The following CCSER1 variants were observed in gnomAD, a reference collection of about 807,000 sequenced individuals.
The protein encoded by CCSER1 is coiled-coil serine rich protein 1.
A neutral mutation model predicts 82.0 loss-of-function variants in CCSER1; 41 were observed. The observed-to-expected ratio is 0.50, with a 90% CI of 0.39 to 0.65. The LOEUF is 0.65. Among genes scored for constraint, CCSER1 ranks in the 30% least tolerant of loss-of-function variants. CCSER1 has a pLI of 0.00. For synonymous variants in CCSER1, 414 were observed against 383.9 expected (o/e 1.08, Z -0.92); for missense variants, 1,119 against 1,064.2 (o/e 1.05, Z -0.72).
intron 1 of CCSER1, among the ~76,000 whole-genome samples, chr4:90,242,351 C>G (rs988956592): frequency 1.1e-4 from 17 of 151,946 alleles, no homozygotes; most frequent in Non-Finnish European, 2.5e-4. Context: ...TGTAGTGGAC[C>G]TAGGAGTACT....
chr4:91,216,762 CATGTTAATTT>C (rs1737277502), intron 10 of CCSER1, among the ~76,000 whole-genome samples: 1 of 152,084 alleles, frequency 6.6e-6, no homozygotes, highest in Non-Finnish European at 1.5e-5. Context: ...TAAATCTTTA[CATGTTAATTT>C]ATGTTAATTT....
Position 90,347,062 on chromosome 4 carries a change from G to T in CCSER1, c.1509+34015G>T, listed in dbSNP as rs1742474947. On this transcript the variant is annotated intron_variant, in intron 3 of 10. Coordinates refer to ENST00000509176, the MANE Select transcript of CCSER1 (RefSeq NM_001145065.2). ...GAAGGCTCTTTGTTTGAAGGTTAAA[G>T]AAATAAGGTTATTTTGTTTGTATGT... 2.0e-5 allele frequency among the ~76,000 whole-genome samples: 3 copies of T among 152,142 alleles called. No homozygotes were observed. The East Asian group carries it at 5.8e-4, about 29-fold the overall frequency.
chr4:91,501,239 T>C (rs1310248858), intron 10 of CCSER1, among the ~76,000 whole-genome samples: 1 of 151,856 alleles, frequency 6.6e-6, no homozygotes, highest in Admixed American at 6.6e-5. Context: ...CTAGAATTTC[T>C]TTTTATTTAT....
intron 5 of CCSER1, among the ~76,000 whole-genome samples, chr4:90,587,684 C>A (rs181862756): frequency 1.3e-5 from 2 of 152,264 alleles, no homozygotes; most frequent in Non-Finnish European, 2.9e-5. Context: ...ACAACCTGTA[C>A]TTTTACCACT....
chr4:90,276,571 C>G (rs1046181005), intron 1 of CCSER1, among the ~76,000 whole-genome samples: 4 of 151,956 alleles, frequency 2.6e-5, no homozygotes, highest in Non-Finnish European at 5.9e-5. Context: ...GTCTCGAAAT[C>G]CTGGCCTCAG....
intron 4 of CCSER1, among the ~76,000 whole-genome samples, chr4:90,455,983 T>C (rs1762119360): frequency 6.6e-6 from 1 of 152,152 alleles, no homozygotes. Flanking sequence ...ATGGACCCAT[T>C]AAATTAGTGG....
chr4:91,107,460 T>A (rs1486907024), intron 10 of CCSER1, among the ~76,000 whole-genome samples: 1 of 152,124 alleles, frequency 6.6e-6, no homozygotes, highest in Non-Finnish European at 1.5e-5. Context: ...TTTCACCATG[T>A]GAGTCAGGAT....
chr4:91,603,281 CAACTTGTTTCACCATGTTA>C lies in CCSER1; in HGVS notation c.*4229_*4247del. 1 of 152,122 alleles carries C rather than the reference CAACTTGTTTCACCATGTTA, an allele frequency of 6.6e-6. No homozygotes were observed. The highest frequency in any genetic ancestry group is 2.1e-4 in the South Asian group (1 of 4,822). The allele number at this position is 152,122 out of a possible 1,614,324, so 9.4% of individuals were successfully genotyped here. ...TTATTTTTGAAATTTTGTTCTGTGC[CAACTTGTTTCACCATGTTA>C]AACTGCATACATACCCATGAACTAT... On this transcript the variant is annotated 3_prime_UTR_variant, in exon 11 of 11. Transcript: ENST00000509176.
intron 10 of CCSER1, among the ~76,000 whole-genome samples, chr4:91,183,226 T>A (rs1212492880): frequency 6.6e-6 from 1 of 152,192 alleles, no homozygotes; most frequent in Admixed American, 6.5e-5. Flanking sequence ...GAACCACATA[T>A]GAAGAATCAG....
chr4:90,215,420 A>C (rs1348835373), intron 1 of CCSER1, among the ~76,000 whole-genome samples: 1 of 152,202 alleles, frequency 6.6e-6, no homozygotes, highest in Non-Finnish European at 1.5e-5. Flanking sequence ...CTACTTGTTT[A>C]CAGGAAGTGA....
At chr4:90,607,358 TA>T (rs1320679858) in intron 5 of CCSER1, among the ~76,000 whole-genome samples, 3 of 152,206 alleles carry the variant, frequency 2.0e-5, no homozygotes, top group African/African-American at 7.2e-5. Flanking sequence ...ATTAGTTTGC[TA>T]AGGCTGCCAT....
At chr4:90,616,236 T>C (rs1489228387) in intron 5 of CCSER1, among the ~76,000 whole-genome samples, 1 of 152,190 alleles carries the variant, frequency 6.6e-6, no homozygotes, top group Non-Finnish European at 1.5e-5. Flanking sequence ...TGCAGTGGCA[T>C]GGAACCTAAC....
intron 1 of CCSER1, among the ~76,000 whole-genome samples, chr4:90,267,382 A>G (rs1725435455): frequency 1.3e-5 from 2 of 152,138 alleles, no homozygotes; most frequent in Non-Finnish European, 2.9e-5. Flanking sequence ...TGGCTCCTGG[A>G]CAGCATCTCT....
intron 9 of CCSER1, among the ~76,000 whole-genome samples, chr4:91,081,620 A>AT (rs1254340380): frequency 6.6e-6 from 1 of 152,138 alleles, no homozygotes; most frequent in Non-Finnish European, 1.5e-5. Flanking sequence ...AGGAAGTCAA[A>AT]TTGTCCCTGT....
At chr4:90,911,399 T>G (rs1217066142) in intron 8 of CCSER1, 1 of 445,290 alleles carries the variant, frequency 2.2e-6, no homozygotes, top group African/African-American at 2.0e-5. Context: ...ATGTTGCATT[T>G]TCATTCCTGA....
chr4:90,721,217 G>A (rs1742620678), intron 6 of CCSER1, among the ~76,000 whole-genome samples: 1 of 151,780 alleles, frequency 6.6e-6, no homozygotes, highest in South Asian at 2.1e-4. Context: ...CATTTTAATG[G>A]TAGGTAAAAT....
intron 1 of CCSER1, among the ~76,000 whole-genome samples, chr4:90,150,611 A>G (rs974519459): frequency 2.0e-5 from 3 of 152,168 alleles, no homozygotes; most frequent in Non-Finnish European, 4.4e-5. Context: ...CATCACTCTT[A>G]TCAATGTCCT....
At chr4:91,394,233 T>G (rs1003132755) in intron 10 of CCSER1, among the ~76,000 whole-genome samples, 1 of 151,990 alleles carries the variant, frequency 6.6e-6, no homozygotes, top group African/African-American at 2.4e-5. Flanking sequence ...GCGTTGAAAT[T>G]GAAAAGGTAG....
intron 10 of CCSER1, among the ~76,000 whole-genome samples, chr4:91,345,936 A>G (rs559366915): frequency 6.6e-6 from 1 of 152,138 alleles, no homozygotes; most frequent in Admixed American, 6.5e-5. Flanking sequence ...AAATCATAAG[A>G]GTATATATAG....
Sources: allele counts gnomAD v4.1 joint callset (sites outside exome capture counted in the v4.1 genomes callset), GRCh38; gene constraint gnomAD v4.1.1; transcripts MANE v1.5; gene names NCBI Gene and HGNC (gene_info 2026-07-23, HGNC 2026-07-21).